CADM2: variants seen among roughly 807,000 people sequenced by gnomAD.
CADM2 encodes the protein immunoglobulin superfamily member 4D.
CADM2 carries 12 observed loss-of-function variants against 49.8 expected under a neutral mutation model. That is an observed-to-expected ratio of 0.24 (90% CI 0.15 to 0.39). CADM2 has a LOEUF of 0.39. Ranked by LOEUF, CADM2 falls within the 10% of genes least tolerant of loss-of-function variation. CADM2 has a pLI of 1.00. For missense variants in CADM2, 378 were observed against 492.3 expected (o/e 0.77, Z 2.20); for synonymous variants, 214 against 175.4 (o/e 1.22, Z -1.74).
chr3:85,359,666 A>ATATATATATATATATATATATTTTTT, intron 1 of CADM2, among the ~76,000 whole-genome samples: 63 of 26,496 alleles, frequency 2.4e-3, no homozygotes, highest in Non-Finnish European at 4.2e-3. Context: ...ATATATATAT[A>ATATATATATATATATATATATTTTTT]TTTTTTTTTT....
chr3:85,056,523 A>G (rs1559638221), intron 1 of CADM2, among the ~76,000 whole-genome samples: 1 of 152,206 alleles, frequency 6.6e-6, no homozygotes, highest in East Asian at 1.9e-4. Flanking sequence ...TCACAGATAT[A>G]AAAGATAGGG....
intron 1 of CADM2, among the ~76,000 whole-genome samples, chr3:85,234,049 C>T (rs1250514907): frequency 6.6e-6 from 1 of 152,020 alleles, no homozygotes; most frequent in Non-Finnish European, 1.5e-5. Flanking sequence ...AAATATGTCA[C>T]TTGATTAGGT....
chr3:85,077,715 A>T (rs2037001787), intron 1 of CADM2, among the ~76,000 whole-genome samples: 1 of 152,250 alleles, frequency 6.6e-6, no homozygotes, highest in Non-Finnish European at 1.5e-5. Context: ...AAAGTAAATG[A>T]GATTATATAT....
intron 1 of CADM2, among the ~76,000 whole-genome samples, chr3:85,026,372 A>G (rs2034727012): frequency 6.6e-6 from 1 of 152,168 alleles, no homozygotes; most frequent in South Asian, 2.1e-4. Flanking sequence ...CTTAAAAATT[A>G]AAATATTTTG....
intron 1 of CADM2, among the ~76,000 whole-genome samples, chr3:85,457,409 T>C (rs1485326022): frequency 1.3e-5 from 2 of 151,498 alleles, no homozygotes; most frequent in Non-Finnish European, 2.9e-5. Flanking sequence ...CAAGACCCTG[T>C]CTCAAGGAAA....
intron 1 of CADM2, among the ~76,000 whole-genome samples, chr3:85,466,402 T>A (rs1377543154): frequency 6.6e-6 from 1 of 152,206 alleles, no homozygotes; most frequent in Non-Finnish European, 1.5e-5. Flanking sequence ...TTGGGAAATC[T>A]ATCCATGTGA....
At chr3:85,466,760 C>A (rs1001132598) in intron 1 of CADM2, among the ~76,000 whole-genome samples, 1 of 151,414 alleles carries the variant, frequency 6.6e-6, no homozygotes, top group Non-Finnish European at 1.5e-5. Flanking sequence ...AAAATTATTA[C>A]CTTGCTGTAT....
rs138301110 is a variant in CADM2 at position 86,043,942 on chromosome 3, C to G, written c.971-21663C>G. Among the ~76,000 whole-genome samples the G allele has an allele frequency of 2.7e-3, 412 of 152,082 alleles. 4 individuals are homozygous for G. Among genetic ancestry groups the G allele is most frequent in the African/African-American group, 9.6e-3 (399 of 41,468 alleles). Reference sequence around the variant, plus strand: ...ACCATCTGATCTTTGACAAACCTGACGAAAACAAGAAATGGGGAAACGGTT... The same window carrying G: ...ACCATCTGATCTTTGACAAACCTGAGGAAAACAAGAAATGGGGAAACGGTT... On this transcript the variant is annotated intron_variant, in intron 8 of 9. Coordinates refer to ENST00000383699, the MANE Select transcript of CADM2 (RefSeq NM_001167675.2).
chr3:85,117,850 A>T (rs983302682), intron 1 of CADM2, among the ~76,000 whole-genome samples: 2 of 151,986 alleles, frequency 1.3e-5, no homozygotes, highest in Non-Finnish European at 2.9e-5. Flanking sequence ...TATATTTTTT[A>T]TATTTTGGGA....
intron 1 of CADM2, among the ~76,000 whole-genome samples, chr3:85,189,798 A>C (rs1559711276): frequency 1.3e-5 from 2 of 152,138 alleles, no homozygotes; most frequent in Non-Finnish European, 2.9e-5. Flanking sequence ...ATCTCAGCTT[A>C]ACTGAAGAAA....
chr3:86,067,999 G>A lies in CADM2; in HGVS notation c.*1216G>A, dbSNP rs1181891097. 6.6e-6 allele frequency: 1 copy of A among 152,378 alleles called. No homozygotes were observed. The highest frequency in any genetic ancestry group is 1.5e-5 in the Non-Finnish European group (1 of 67,870). 9.4% of individuals were successfully genotyped at this position (152,378 alleles called of 1,614,324 possible). ...AATAATAACCTAAAAATAAATTTTA[G>A]TTTGCTAAAAATTTACAAATTTTCA... On this transcript the variant is annotated 3_prime_UTR_variant, in exon 10 of 10. Transcript: ENST00000383699.
At position 85,067,355 on chromosome 3, in the gene CADM2, CA is replaced by C. The variant is rs567600281; in HGVS notation, c.61+107694del. 1.0e-3 allele frequency among the ~76,000 whole-genome samples: 158 copies of C among 151,426 alleles called. 1 individual carries two copies. The highest frequency in any genetic ancestry group is 3.4e-3 in the African/African-American group (139 of 41,320). On this transcript the variant is annotated intron_variant, in intron 1 of 9. Coordinates refer to ENST00000383699, the MANE Select transcript of CADM2 (RefSeq NM_001167675.2). ...AAAGCTGTACTTTTCAAAGGAGAAA[CA>C]AAAAAACATGTTGGCTTTTTATTAT...
chr3:85,368,484 G>A (rs2032961855), intron 1 of CADM2, among the ~76,000 whole-genome samples: 1 of 150,668 alleles, frequency 6.6e-6, no homozygotes, highest in Non-Finnish European at 1.5e-5. Context: ...GAGATGATGA[G>A]GTTGATGAGA....
intron 1 of CADM2, among the ~76,000 whole-genome samples, chr3:85,388,930 T>G (rs565020553): frequency 6.6e-6 from 1 of 152,288 alleles, no homozygotes; most frequent in East Asian, 1.9e-4. Flanking sequence ...AAAATATATT[T>G]TAATGAAAGC....
At chr3:85,887,137 G>A (rs113126961) in intron 5 of CADM2, among the ~76,000 whole-genome samples, 6,491 of 152,142 alleles carry the variant, frequency 0.043, 478 homozygotes, top group African/African-American at 0.15. Flanking sequence ...ACGCAGGCTG[G>A]AATGCAGTGA....
intron 8 of CADM2, among the ~76,000 whole-genome samples, chr3:85,981,753 C>G (rs1377845111): frequency 6.6e-6 from 1 of 151,658 alleles, no homozygotes; most frequent in African/African-American, 2.4e-5. Flanking sequence ...ATCCAGTCCA[C>G]CACTGATGGG....
At chr3:85,883,968 A>G (rs909718178) in intron 4 of CADM2, among the ~76,000 whole-genome samples, 1 of 152,178 alleles carries the variant, frequency 6.6e-6, no homozygotes, top group Non-Finnish European at 1.5e-5. Context: ...TTTTGAAATT[A>G]TATTTTCTAG....
At chr3:85,002,875 T>C (rs944952438) in intron 1 of CADM2, among the ~76,000 whole-genome samples, 4 of 152,162 alleles carry the variant, frequency 2.6e-5, no homozygotes, top group African/African-American at 9.7e-5. Context: ...AGCCTTGAAC[T>C]CTTGGGTTCA....
chr3:86,024,431 C>CAATTGTATTTCTACCAAGA (rs1371807093), intron 8 of CADM2, among the ~76,000 whole-genome samples: 1 of 152,154 alleles, frequency 6.6e-6, no homozygotes, highest in Non-Finnish European at 1.5e-5. Context: ...AAATGAAAGA[C>CAATTGTATTTCTACCAAGA]AATTGTATTT....
Sources: allele counts gnomAD v4.1 joint callset (sites outside exome capture counted in the v4.1 genomes callset), GRCh38; gene constraint gnomAD v4.1.1; transcripts MANE v1.5; gene names NCBI Gene and HGNC (gene_info 2026-07-23, HGNC 2026-07-21).